GUCY1A2: variants seen among roughly 807,000 people sequenced by gnomAD.
GUCY1A2 encodes the protein guanylate cyclase 1 soluble subunit alpha 2.
A neutral mutation model predicts 63.5 loss-of-function variants in GUCY1A2; 27 were observed. That is an observed-to-expected ratio of 0.43 (90% CI 0.31 to 0.59). The LOEUF (loss-of-function observed/expected upper bound fraction) is 0.59. Ranked by LOEUF, GUCY1A2 falls within the 20% of genes least tolerant of loss-of-function variation. The pLI, the probability that GUCY1A2 is intolerant of heterozygous loss-of-function variation, is 0.11. For synonymous variants in GUCY1A2, 364 were observed against 343.5 expected (o/e 1.06, Z -0.66); for missense variants, 768 against 913.3 (o/e 0.84, Z 2.05).
chr11:106,792,238 T>G (rs1487036909), intron 5 of GUCY1A2, among the ~76,000 whole-genome samples: 2 of 151,890 alleles, frequency 1.3e-5, no homozygotes, highest in African/African-American at 2.4e-5. Flanking sequence ...ATACAAAAAT[T>G]AGCCAGGCTC....
chr11:106,850,510 C>T (rs1170468247), intron 4 of GUCY1A2, among the ~76,000 whole-genome samples: 1 of 151,734 alleles, frequency 6.6e-6, no homozygotes, highest in African/African-American at 2.4e-5. Context: ...TCTCTATCCC[C>T]TACTCTTCCC....
intron 1 of GUCY1A2, among the ~76,000 whole-genome samples, chr11:107,009,797 T>G (rs1288074734): frequency 6.6e-6 from 1 of 152,242 alleles, no homozygotes; most frequent in Non-Finnish European, 1.5e-5. Flanking sequence ...GAAGCGACTT[T>G]CAGGATCATT....
intron 4 of GUCY1A2, among the ~76,000 whole-genome samples, chr11:106,821,109 A>C (rs1565300508): frequency 6.6e-6 from 1 of 152,190 alleles, no homozygotes. Context: ...TTTTTAAATC[A>C]CAGCAGGATT....
intron 3 of GUCY1A2, among the ~76,000 whole-genome samples, chr11:106,953,778 C>T (rs992879213): frequency 2.0e-5 from 3 of 151,758 alleles, no homozygotes; most frequent in African/African-American, 7.2e-5. Flanking sequence ...GGAATTTATC[C>T]ATTTCTTCTA....
intron 4 of GUCY1A2, among the ~76,000 whole-genome samples, chr11:106,914,613 A>T (rs1860343955): frequency 6.6e-6 from 1 of 151,984 alleles, no homozygotes; most frequent in Non-Finnish European, 1.5e-5. Context: ...AAAAATAATA[A>T]TCACAAGGAA....
rs185789733 is a variant in GUCY1A2, at chr11:106,892,373, A to C, written c.1206+47087T>G. Among the ~76,000 whole-genome samples the C allele has an allele frequency of 1.9e-3, 286 of 152,164 alleles. 3 individuals are homozygous for C. The highest frequency in any genetic ancestry group is 2.9e-3 in the Non-Finnish European group (200 of 67,986). On this transcript the variant is annotated intron_variant, in intron 4 of 7. Transcript: ENST00000526355. The stretch of plus-strand genomic sequence containing the variant: ...GGCCTGTAATATATTTGCGGTCATC[A>C]TCCTAGCCAGATTATAATTGAACTT...
intron 1 of GUCY1A2, among the ~76,000 whole-genome samples, chr11:106,992,886 G>A (rs761474156): frequency 1.8e-4 from 27 of 151,950 alleles, no homozygotes; most frequent in South Asian, 2.1e-4. Context: ...CTGAGCACCC[G>A]GCGTCTTTGT....
At chr11:106,964,826 A>G (rs1031062505) in intron 3 of GUCY1A2, among the ~76,000 whole-genome samples, 1 of 151,938 alleles carries the variant, frequency 6.6e-6, no homozygotes, top group Non-Finnish European at 1.5e-5. Context: ...AAAAATACGA[A>G]AAAATTAGCT....
At chr11:106,787,415 GT>G (rs58710396) in intron 5 of GUCY1A2, among the ~76,000 whole-genome samples, 20 of 135,958 alleles carry the variant, frequency 1.5e-4, no homozygotes, top group South Asian at 7.0e-4. Context: ...GCCTTACTTT[GT>G]TTTTTTTTTT....
At chr11:107,002,616 G>C (rs2120185882) in intron 1 of GUCY1A2, among the ~76,000 whole-genome samples, 1 of 152,254 alleles carries the variant, frequency 6.6e-6, no homozygotes, top group Non-Finnish European at 1.5e-5. Flanking sequence ...CAATCCAAAA[G>C]TTATGTAAGC....
At chr11:106,938,089 C>T (rs1005407697) in intron 4 of GUCY1A2, among the ~76,000 whole-genome samples, 10 of 152,056 alleles carry the variant, frequency 6.6e-5, no homozygotes, top group Non-Finnish European at 1.3e-4. Flanking sequence ...AGGCACCCGC[C>T]ACCATGCCCA....
intron 6 of GUCY1A2, among the ~76,000 whole-genome samples, chr11:106,755,259 G>A (rs1591263095): frequency 6.6e-6 from 1 of 151,998 alleles, no homozygotes; most frequent in Non-Finnish European, 1.5e-5. Context: ...AGTCTTGCTA[G>A]CAGTCTGTCT....
Position 106,742,307 on chromosome 11 carries a change from A to G in GUCY1A2, c.1837-33641T>C, listed in dbSNP as rs1863708460. 1.3e-5 allele frequency among the ~76,000 whole-genome samples: 2 copies of G among 152,124 alleles called. 1 individual carries two copies. Among genetic ancestry groups the G allele is most frequent in the South Asian group, 4.1e-4 (2 of 4,832 alleles). On this transcript the variant is annotated intron_variant, in intron 6 of 7. Coordinates refer to ENST00000526355, the MANE Select transcript of GUCY1A2 (RefSeq NM_000855.3). ...CACTTAGATATTAAGCCCAGTATCTATTAGCTATTCTTCCTGATGCTCTCC... is the reference window on the plus strand; with the variant it reads ...CACTTAGATATTAAGCCCAGTATCTGTTAGCTATTCTTCCTGATGCTCTCC...
At chr11:106,828,297 T>C (rs867383145) in intron 4 of GUCY1A2, among the ~76,000 whole-genome samples, 4 of 28,734 alleles carry the variant, frequency 1.4e-4, no homozygotes, top group Non-Finnish European at 3.1e-4. Context: ...AAGCTTTTCC[T>C]AGATTTTTTT....
chr11:106,862,330 A>C (rs199734665), intron 4 of GUCY1A2, among the ~76,000 whole-genome samples: 5 of 2,024 alleles, frequency 2.5e-3, no homozygotes, highest in Non-Finnish European at 4.0e-3. Flanking sequence ...AATGAGATAT[A>C]AAAAAAACAC....
intron 6 of GUCY1A2, 88 bp from the exon 7 acceptor site, chr11:106,708,754 A>G (rs758414552): frequency 1.3e-6 from 1 of 756,454 alleles, no homozygotes; most frequent in Non-Finnish European, 1.9e-6. Flanking sequence ...AATTAATAAT[A>G]ATAATAATAA....
At chr11:106,915,203 G>A (rs1359334845) in intron 4 of GUCY1A2, among the ~76,000 whole-genome samples, 1 of 152,014 alleles carries the variant, frequency 6.6e-6, no homozygotes, top group Non-Finnish European at 1.5e-5. Context: ...ATAAAATATT[G>A]TATTTTCCTT....
intron 4 of GUCY1A2, among the ~76,000 whole-genome samples, chr11:106,862,065 C>T (rs1417840038): frequency 6.6e-6 from 1 of 152,012 alleles, no homozygotes; most frequent in African/African-American, 2.4e-5. Flanking sequence ...TTCGTCAACA[C>T]AGATGACCTT....
intron 3 of GUCY1A2, among the ~76,000 whole-genome samples, chr11:106,976,599 G>A (rs535891868): frequency 9.9e-5 from 15 of 152,238 alleles, no homozygotes; most frequent in African/African-American, 3.6e-4. Context: ...CCAGCATCTG[G>A]TTGACAGGTG....
Sources: allele counts gnomAD v4.1 joint callset (sites outside exome capture counted in the v4.1 genomes callset), GRCh38; gene constraint gnomAD v4.1.1; transcripts MANE v1.5; gene names NCBI Gene and HGNC (gene_info 2026-07-23, HGNC 2026-07-21).